STRN3: variants seen among roughly 807,000 people sequenced by gnomAD.
The protein encoded by STRN3 is striatin 3, also known as striatin-3.
In STRN3, 29 loss-of-function variants were observed where a neutral mutation model predicts 95.6. That is an observed-to-expected ratio of 0.30 (90% CI 0.23 to 0.41). The LOEUF is 0.41. Ranked by LOEUF, STRN3 falls within the 10% of genes least tolerant of loss-of-function variation. The pLI is 1.00. For missense variants in STRN3, 890 were observed against 972.1 expected (o/e 0.92, Z 1.12); for synonymous variants, 331 against 357.6 (o/e 0.93, Z 0.84).
chr14:31,002,647 G>GAA (rs35719624), intron 1 of STRN3, among the ~76,000 whole-genome samples: 33,454 of 140,794 alleles, frequency 0.24, 3,937 homozygotes, highest in Non-Finnish European at 0.26. Context: ...TCTCAAAAAA[G>GAA]AAAAAAAAAA....
At chr14:30,934,978 T>C (rs889971158) in intron 7 of STRN3, among the ~76,000 whole-genome samples, 185 bp downstream of exon 7, 2 of 152,190 alleles carry the variant, frequency 1.3e-5, no homozygotes, top group Non-Finnish European at 2.9e-5. Context: ...ATATATTAAA[T>C]AGTTTAGTCA....
chr14:30,929,979 A>AAAAAAAAAAAAAAAAACAAAAAAAAAAAC (rs1566441550), intron 7 of STRN3, among the ~76,000 whole-genome samples: 26 of 147,436 alleles, frequency 1.8e-4, no homozygotes, highest in Admixed American at 3.4e-4. Context: ...AAAAAAAAAA[A>AAAAAAAAAAAAAAAAACAAAAAAAAAAAC]CTCAAATTCC....
intron 1 of STRN3, among the ~76,000 whole-genome samples, chr14:31,019,123 C>A (rs1202705806): frequency 6.6e-6 from 1 of 151,988 alleles, no homozygotes; most frequent in African/African-American, 2.4e-5. Flanking sequence ...CCAGCCTAGA[C>A]AACATAGAAA....
At chr14:30,994,598 C>CA (rs2139270878) in intron 1 of STRN3, among the ~76,000 whole-genome samples, 1 of 151,524 alleles carries the variant, frequency 6.6e-6, no homozygotes, top group African/African-American at 2.4e-5. Context: ...AACACAAAAC[C>CA]AAATAAACTA....
chr14:30,949,932 A>G (rs1405722973), intron 4 of STRN3, among the ~76,000 whole-genome samples: 2 of 152,160 alleles, frequency 1.3e-5, no homozygotes, highest in Non-Finnish European at 2.9e-5. Context: ...ATGATTCTGT[A>G]GTTTTTATCC....
chr14:31,013,549 A>G (rs756258339), intron 1 of STRN3, among the ~76,000 whole-genome samples: 7 of 152,126 alleles, frequency 4.6e-5, no homozygotes, highest in Non-Finnish European at 1.0e-4. Context: ...GGTGGTAGAC[A>G]GGATCATGGT....
rs188948758 is a variant in STRN3 at position 31,020,530 on chromosome 14, T to C, written c.282+5374A>G. On this transcript the variant is annotated intron_variant, in intron 1 of 17. Transcript: ENST00000357479. The stretch of plus-strand genomic sequence containing the variant: ...AAAAAAAGAAAGTGCTCAATAAATA[T>C]TAGGTATTATCTGAAACTCCATTAC... Among the ~76,000 whole-genome samples the C allele has an allele frequency of 2.2e-4, 34 of 152,054 alleles. 1 individual carries two copies. Among genetic ancestry groups the C allele is most frequent in the Admixed American group, 5.9e-4 (9 of 15,264 alleles).
chr14:30,969,888 C>G (rs1031080698), intron 1 of STRN3, among the ~76,000 whole-genome samples: 1 of 152,050 alleles, frequency 6.6e-6, no homozygotes, highest in South Asian at 2.1e-4. Context: ...GAAAAAAACT[C>G]GAGCCAGCAT....
rs553909195 is a variant in STRN3, at chr14:30,907,593, G to A, written c.1721-549C>T. Among the ~76,000 whole-genome samples the A allele has an allele frequency of 3.5e-5, 5 of 142,626 alleles. 1 individual carries two copies. In the South Asian group the frequency reaches 1.3e-3, roughly 37 times the overall value. The allele number at this position is 142,626 out of a possible 152,430, so 93.6% of individuals were successfully genotyped here. A position where few individuals can be genotyped will look rare whatever the true frequency, so the allele number is the denominator to read the frequency against. On this transcript the variant is annotated intron_variant, in intron 13 of 17. Coordinates refer to ENST00000357479, the MANE Select transcript of STRN3 (RefSeq NM_001083893.2). ...GTGACTGGGTTCTTTCACTGAGTAT[G>A]TTTTCTTTTTTTCTTTTTGAAATAG...
chr14:30,895,460 G>A lies in STRN3; in HGVS notation c.2345C>T (p.Ala782Val). Residue 782 changes from alanine (A) to valine (V), a missense_variant, in exon 18 of 18, where the codon GCA (alanine) becomes GTA (valine). Physicochemically the swap from Ala to Val is moderately conservative, Grantham distance 64. Transcript: ENST00000357479. The stretch of plus-strand genomic sequence containing the variant: ...ATCAGCTCCTGCACTAGCTATATAT[G>A]CTTTTGACGAGTGGAAAGCAACATC... ...IYDVAFHSSK[A>V]YIASAGADAL... The A allele has an allele frequency of 1.2e-6, 2 of 1,613,866 alleles. No individual in the cohort carries two copies. Among genetic ancestry groups the A allele is most frequent in the Non-Finnish European group, 1.7e-6 (2 of 1,179,942 alleles).
intron 1 of STRN3, among the ~76,000 whole-genome samples, chr14:31,007,660 T>G (rs990391662): frequency 1.3e-5 from 2 of 151,882 alleles, no homozygotes; most frequent in African/African-American, 4.8e-5. Context: ...TCCAACAACT[T>G]AGGAGGCCAA....
At chr14:30,998,836 A>G (rs2139283315) in intron 1 of STRN3, among the ~76,000 whole-genome samples, 1 of 152,296 alleles carries the variant, frequency 6.6e-6, no homozygotes, top group South Asian at 2.1e-4. Context: ...AGTCAGACAC[A>G]GTGGCACATG....
intron 1 of STRN3, among the ~76,000 whole-genome samples, chr14:30,972,128 A>G (rs1029540946): frequency 6.6e-6 from 1 of 152,158 alleles, no homozygotes; most frequent in Non-Finnish European, 1.5e-5. Context: ...TTAAACTTAA[A>G]CTTCCTCGTA....
Position 30,947,240 on chromosome 14 carries a change from G to C in STRN3, c.566C>G (p.Thr189Arg), listed in dbSNP as rs1171325404. 1.3e-6 allele frequency: 2 copies of C among 1,596,100 alleles called. No homozygotes were observed. The highest frequency in any genetic ancestry group is 2.7e-5 in the African/African-American group (2 of 73,840). Residue 189 changes from threonine to arginine, a missense_variant, in exon 5 of 18, where the codon ACA becomes AGA. Coordinates refer to ENST00000357479, the MANE Select transcript of STRN3 (RefSeq NM_001083893.2). ...LRQYLQEVGY[T>R]DTILDVRSQR... ...AGACCGTACATCTAATATTGTATCT[G>C]TATAACCTACTTCCTGAAGATACCT...
At position 31,003,029 on chromosome 14, in the gene STRN3, C is replaced by T. The variant is rs552690538; in HGVS notation, c.282+22875G>A. On this transcript the variant is annotated intron_variant, in intron 1 of 17. Coordinates refer to ENST00000357479, the MANE Select transcript of STRN3 (RefSeq NM_001083893.2). Reference sequence around the variant, plus strand: ...CTGTAATCCCAGCACTTTGGGAGGCCGAGGTGGACGGATCATGAGGTCAGG... The same window carrying T: ...CTGTAATCCCAGCACTTTGGGAGGCTGAGGTGGACGGATCATGAGGTCAGG... Among the ~76,000 whole-genome samples the T allele has an allele frequency of 3.5e-4, 53 of 151,938 alleles. 1 individual carries two copies. The highest frequency in any genetic ancestry group is 6.6e-4 in the Admixed American group (10 of 15,258).
chr14:30,955,168 T>A (rs1879838899), intron 3 of STRN3, among the ~76,000 whole-genome samples: 1 of 152,152 alleles, frequency 6.6e-6, no homozygotes, highest in Non-Finnish European at 1.5e-5. Context: ...GTCTCTTAAT[T>A]TTATATGTAT....
At chr14:30,987,485 T>A (rs142026224) in intron 1 of STRN3, among the ~76,000 whole-genome samples, 2,762 of 151,718 alleles carry the variant, frequency 0.018, 78 homozygotes, top group African/African-American at 0.063. Flanking sequence ...TCAGCCTGGG[T>A]GACAGAGCGA....
intron 4 of STRN3, among the ~76,000 whole-genome samples, chr14:30,948,663 AACAG>A (rs1387785109): frequency 3.9e-5 from 6 of 152,228 alleles, no homozygotes; most frequent in Non-Finnish European, 8.8e-5. Flanking sequence ...CAAAATGGAA[AACAG>A]ACAGCTGACA....
intron 1 of STRN3, among the ~76,000 whole-genome samples, chr14:31,003,477 T>C (rs1357649061): frequency 6.6e-6 from 1 of 152,072 alleles, no homozygotes; most frequent in African/African-American, 2.4e-5. Context: ...ATTTGGGTCA[T>C]GGAGGGTGGA....
Sources: gnomAD v4.1 joint callset for allele counts (sites outside exome capture counted in the v4.1 genomes callset) on GRCh38, gnomAD v4.1.1 for gene constraint, MANE v1.5 for transcripts, NCBI Gene and HGNC (gene_info 2026-07-23, HGNC 2026-07-21) for gene names.